SLC17A3: variants seen among roughly 807,000 people sequenced by gnomAD.
SLC17A3 encodes solute carrier family 17 member 3.
Under a neutral mutation model 60.3 loss-of-function variants are expected in SLC17A3, and 61 were observed. The observed-to-expected ratio is 1.01, with a 90% CI of 0.82 to 1.25. The LOEUF (loss-of-function observed/expected upper bound fraction) is 1.25. SLC17A3 is among the 50% of genes most tolerant of loss of function. The pLI, the probability that SLC17A3 is intolerant of heterozygous loss-of-function variation, is 0.00. For synonymous variants in SLC17A3, 192 were observed against 208.9 expected (o/e 0.92, Z 0.70); for missense variants, 624 against 594.9 (o/e 1.05, Z -0.51).
intron 5 of SLC17A3, among the ~76,000 whole-genome samples, chr6:25,858,119 G>A (rs1423476552): frequency 7.9e-5 from 12 of 152,014 alleles, no homozygotes; most frequent in African/African-American, 1.5e-4. Flanking sequence ...GGGTTCAAGC[G>A]ATTCTCATGA....
chr6:25,845,566 T>C (rs1450155158), intron 11 of SLC17A3, 50 bp from the exon 12 acceptor site: 8 of 1,599,220 alleles, frequency 5.0e-6, no homozygotes, highest in South Asian at 1.1e-5. Flanking sequence ...TATTTTCCTA[T>C]GAAACATTAT....
Position 25,862,235 on chromosome 6 carries a change from T to C in SLC17A3, c.301A>G (p.Lys101Glu). The C allele has an allele frequency of 6.2e-7, 1 of 1,611,076 alleles. No homozygotes were observed. Among genetic ancestry groups the C allele is most frequent in the Non-Finnish European group, 8.5e-7 (1 of 1,177,416 alleles). The part of the protein sequence containing the change: ...LSKAPKSLPA[K>E]APVYDWSPQI... ...AATTTATATCTTATGTTGCTTACCT[T>C]TGCAGGAAGACTCTTTGGGGCTTTA... Residue 101 changes from lysine (K) to glutamate (E), a missense_variant and splice_region_variant, in exon 3 of 13, where the codon AAG becomes GAG. Transcript: ENST00000397060.
chr6:25,848,826 T>G (rs1450946896), intron 11 of SLC17A3, among the ~76,000 whole-genome samples: 1 of 151,732 alleles, frequency 6.6e-6, no homozygotes, highest in Admixed American at 6.6e-5. Context: ...TGGGAGAAAA[T>G]TTTCACAATC....
At chr6:25,871,509 G>T (rs1454650264) in intron 1 of SLC17A3, among the ~76,000 whole-genome samples, 1 of 134,310 alleles carries the variant, frequency 7.4e-6, no homozygotes, top group Non-Finnish European at 1.6e-5. Flanking sequence ...GCGGGGGAGG[G>T]ATAGCATTAG....
intron 1 of SLC17A3, among the ~76,000 whole-genome samples, chr6:25,868,958 C>T (rs1437518414): frequency 1.3e-5 from 2 of 151,968 alleles, no homozygotes; most frequent in Non-Finnish European, 2.9e-5. Context: ...CTGGCTTCTA[C>T]TACCCCTGAC....
chr6:25,850,397 G>T, intron 8 of SLC17A3, 62 bp downstream of exon 8: 1 of 1,501,110 alleles, frequency 6.7e-7, no homozygotes, highest in Non-Finnish European at 9.3e-7. Flanking sequence ...AATGATTAGT[G>T]AGGGCAGAGT....
intron 3 of SLC17A3, 68 bp from the exon 4 acceptor site, chr6:25,862,097 C>T (rs1765459787): frequency 7.0e-7 from 1 of 1,419,136 alleles, no homozygotes. Context: ...TAGAAAGCTC[C>T]TTTAGACCTT....
intron 2 of SLC17A3, among the ~76,000 whole-genome samples, chr6:25,865,137 C>G (rs1011142855): frequency 1.3e-5 from 2 of 152,000 alleles, no homozygotes; most frequent in Non-Finnish European, 2.9e-5. Flanking sequence ...CACAGAGAGA[C>G]CAGCTCACAA....
At chr6:25,855,427 G>T (rs1272127293) in intron 5 of SLC17A3, among the ~76,000 whole-genome samples, 197 bp from the exon 6 acceptor site, 1 of 152,184 alleles carries the variant, frequency 6.6e-6, no homozygotes, top group Non-Finnish European at 1.5e-5. Context: ...TTTTCTGGTA[G>T]TTCCCTATAA....
intron 2 of SLC17A3, among the ~76,000 whole-genome samples, chr6:25,867,663 C>T (rs1765559008): frequency 6.6e-6 from 1 of 151,774 alleles, no homozygotes; most frequent in African/African-American, 2.4e-5. Context: ...TATCCAGTCA[C>T]AAGAAGATTT....
At chr6:25,870,780 G>T (rs1765628426) in intron 1 of SLC17A3, among the ~76,000 whole-genome samples, 1 of 152,126 alleles carries the variant, frequency 6.6e-6, no homozygotes, top group African/African-American at 2.4e-5. Context: ...GGATCTGTTT[G>T]GTTAAAGTTA....
At chr6:25,870,847 C>CA (rs1765629090) in intron 1 of SLC17A3, among the ~76,000 whole-genome samples, 1 of 151,972 alleles carries the variant, frequency 6.6e-6, no homozygotes, top group Non-Finnish European at 1.5e-5. Flanking sequence ...TCAACTGACA[C>CA]ACAGCATGAA....
chr6:25,866,688 C>A (rs1002930823), intron 2 of SLC17A3, among the ~76,000 whole-genome samples: 1 of 151,780 alleles, frequency 6.6e-6, no homozygotes, highest in East Asian at 1.9e-4. Flanking sequence ...TATCATGAGA[C>A]TAAAATGTTA....
intron 11 of SLC17A3, 65 bp from the exon 12 acceptor site, chr6:25,845,581 ATAGTTC>A: frequency 6.4e-7 from 1 of 1,568,486 alleles, no homozygotes; most frequent in Non-Finnish European, 8.8e-7. Context: ...CATTATATTA[ATAGTTC>A]AGATGACAAC....
At position 25,867,748 on chromosome 6, in the gene SLC17A3, A is replaced by G. The variant is rs147744600; in HGVS notation, c.91+549T>C. ...ATCCTTTAAGAATCCATATTGCTTT[A>G]TAAGATTCACAAAGATATTCACACT... On this transcript the variant is annotated intron_variant, in intron 2 of 12. Transcript: ENST00000397060. 4.6e-5 allele frequency among the ~76,000 whole-genome samples: 7 copies of G among 152,086 alleles called. No homozygotes were observed. The East Asian group carries it at 1.2e-3, about 25-fold the overall frequency.
chr6:25,848,503 G>A (rs1765216629), intron 11 of SLC17A3, among the ~76,000 whole-genome samples: 1 of 152,074 alleles, frequency 6.6e-6, no homozygotes, highest in South Asian at 2.1e-4. Flanking sequence ...GTAGGGAAAG[G>A]ACACCTTATT....
In SLC17A3 at chr6:25,862,238, C is replaced by T. The variant is rs1165165; in HGVS notation, c.298G>A (p.Ala100Thr). The change falls in exon 3 of 13, where the codon GCA becomes ACA. Residue 100 changes from alanine to threonine, a missense_variant. Transcript: ENST00000397060. ...GLSKAPKSLP[A>T]KAPVYDWSPQ... The stretch of plus-strand genomic sequence containing the variant: ...TTATATCTTATGTTGCTTACCTTTG[C>T]AGGAAGACTCTTTGGGGCTTTACTT... The T allele has an allele frequency of 0.23, 366,720 of 1,609,540 alleles. 43,153 individuals carry two copies. Among genetic ancestry groups the T allele is most frequent in the African/African-American group, 0.3 (22,226 of 74,768 alleles).
intron 3 of SLC17A3, 82 bp from the exon 4 acceptor site, chr6:25,862,111 C>T: frequency 7.1e-7 from 1 of 1,403,654 alleles, no homozygotes; most frequent in South Asian, 1.3e-5. Flanking sequence ...AGACCTTTTG[C>T]TTGCTTTCAA....
chr6:25,850,985 C>A, intron 6 of SLC17A3, 108 bp from the exon 7 acceptor site: 1 of 804,902 alleles, frequency 1.2e-6, no homozygotes, highest in South Asian at 1.4e-5. Context: ...AGCTCATGTT[C>A]ATTATATCCC....
Sources: gnomAD v4.1 joint callset for allele counts (sites outside exome capture counted in the v4.1 genomes callset) on GRCh38, gnomAD v4.1.1 for gene constraint, MANE v1.5 for transcripts, NCBI Gene and HGNC (gene_info 2026-07-23, HGNC 2026-07-21) for gene names.